Variants in GHR observed in about 807,000 individuals in gnomAD.
GHR encodes growth hormone receptor, also known as GH receptor.
GHR carries 35 observed loss-of-function variants against 67.1 expected under a neutral mutation model. That is an observed-to-expected ratio of 0.52 (90% CI 0.40 to 0.69). GHR has a LOEUF of 0.69. Among genes scored for constraint, GHR ranks in the 30% least tolerant of loss-of-function variants. The pLI, the probability that GHR is intolerant of heterozygous loss-of-function variation, is 0.00. For missense variants in GHR, 792 were observed against 764.6 expected (o/e 1.04, Z -0.42); for synonymous variants, 272 against 269.1 (o/e 1.01, Z -0.10).
intron 5 of GHR, among the ~76,000 whole-genome samples, chr5:42,698,642 G>A (rs1757788788): frequency 6.6e-6 from 1 of 152,130 alleles, no homozygotes; most frequent in Non-Finnish European, 1.5e-5. Flanking sequence ...GCACACAAGA[G>A]CTTCCCTCTT....
chr5:42,437,529 A>ATATTTATT (rs375521431), intron 1 of GHR, among the ~76,000 whole-genome samples: 2,186 of 148,004 alleles, frequency 0.015, 51 homozygotes, highest in African/African-American at 0.049. Flanking sequence ...TATTATTTTT[A>ATATTTATT]TATTTATTTA....
chr5:42,484,152 A>G (rs746145420), intron 1 of GHR, among the ~76,000 whole-genome samples: 24 of 152,192 alleles, frequency 1.6e-4, no homozygotes, highest in Non-Finnish European at 3.4e-4. Flanking sequence ...TAGAGTTTTC[A>G]TACTGTGGAC....
chr5:42,588,564 TTTGCAGTAGAATTTTGA>T, intron 2 of GHR, among the ~76,000 whole-genome samples: 1 of 133,100 alleles, frequency 7.5e-6, no homozygotes, highest in Non-Finnish European at 1.7e-5. Context: ...GACCTATAGT[TTTGCAGTAGAATTTTGA>T]ATTCAAACTC....
intron 6 of GHR, among the ~76,000 whole-genome samples, chr5:42,705,226 C>A (rs771225031): frequency 6.6e-6 from 1 of 151,448 alleles, no homozygotes; most frequent in Non-Finnish European, 1.5e-5. Context: ...TTAGTTTATT[C>A]TTTTTCTGGT....
At chr5:42,710,909 T>C (rs1300768975) in intron 6 of GHR, among the ~76,000 whole-genome samples, 1 of 152,198 alleles carries the variant, frequency 6.6e-6, no homozygotes, top group African/African-American at 2.4e-5. Flanking sequence ...GTAATTCTAA[T>C]ATACTTTAAT....
intron 1 of GHR, among the ~76,000 whole-genome samples, chr5:42,502,942 T>C (rs1371184520): frequency 3.3e-5 from 5 of 152,008 alleles, no homozygotes; most frequent in Non-Finnish European, 7.4e-5. Flanking sequence ...AGGAAAATTA[T>C]CAGGTTCAGT....
chr5:42,680,850 A>AT lies in GHR; in HGVS notation c.137-8038dup, dbSNP rs757597658. On this transcript the variant is annotated intron_variant, in intron 3 of 9. Transcript: ENST00000230882. ...GAATGCTTAATGTCTTTCTATTATT[A>AT]TTATTTTTTTTTATTATACTTTGTT... 1.1e-3 allele frequency among the ~76,000 whole-genome samples: 52 copies of AT among 48,862 alleles called. No individual in the cohort carries two copies. In the East Asian group the frequency reaches 0.024, roughly 22 times the overall value. The allele number at this position is 48,862 out of a possible 152,430, so 32.1% of individuals were successfully genotyped here. A position where few individuals can be genotyped will look rare whatever the true frequency, so the allele number is the denominator to read the frequency against.
intron 1 of GHR, among the ~76,000 whole-genome samples, chr5:42,454,036 G>T (rs934800479): frequency 6.6e-6 from 1 of 152,200 alleles, no homozygotes; most frequent in African/African-American, 2.4e-5. Flanking sequence ...TGGGCTTCCT[G>T]AGAGCCAGAT....
intron 1 of GHR, among the ~76,000 whole-genome samples, chr5:42,433,812 G>A (rs570886949): frequency 1.1e-3 from 159 of 142,340 alleles, no homozygotes; most frequent in South Asian, 3.6e-3. Context: ...CTGAGGACCA[G>A]GAGGCGTATC....
chr5:42,554,885 G>A (rs370116668), intron 1 of GHR, among the ~76,000 whole-genome samples: 46 of 152,134 alleles, frequency 3.0e-4, no homozygotes, highest in African/African-American at 1.1e-3. Context: ...AGTTGCTAGA[G>A]AATTTACAAC....
chr5:42,711,588 C>CG (rs1561249413), intron 7 of GHR, among the ~76,000 whole-genome samples: 1 of 151,880 alleles, frequency 6.6e-6, no homozygotes, highest in Non-Finnish European at 1.5e-5. Flanking sequence ...AGGAGAAGTC[C>CG]GGGGGGCAGG....
chr5:42,707,331 C>A (rs1442387059), intron 6 of GHR, among the ~76,000 whole-genome samples: 3 of 151,792 alleles, frequency 2.0e-5, no homozygotes, highest in East Asian at 3.9e-4. Flanking sequence ...TATCTTTTAA[C>A]CTTCATTCTA....
At chr5:42,560,578 C>T (rs1579939783) in intron 1 of GHR, among the ~76,000 whole-genome samples, 1 of 152,086 alleles carries the variant, frequency 6.6e-6, no homozygotes, top group East Asian at 1.9e-4. Flanking sequence ...TCACATGATA[C>T]TCCTCATCTC....
At chr5:42,620,377 T>A (rs1430428406) in intron 2 of GHR, among the ~76,000 whole-genome samples, 2 of 152,190 alleles carry the variant, frequency 1.3e-5, no homozygotes. Context: ...ACTATGCTAA[T>A]GCTGTGATGG....
At chr5:42,684,707 T>C (rs1033882073) in intron 3 of GHR, among the ~76,000 whole-genome samples, 2 of 152,158 alleles carry the variant, frequency 1.3e-5, no homozygotes, top group African/African-American at 4.8e-5. Flanking sequence ...ATCCATGCCC[T>C]AAAACTCTTG....
intron 3 of GHR, among the ~76,000 whole-genome samples, chr5:42,681,850 G>A (rs1756895079): frequency 1.3e-5 from 2 of 150,772 alleles, no homozygotes; most frequent in Non-Finnish European, 3.0e-5. Flanking sequence ...GCAGGAGAAT[G>A]GCATGAACCC....
chr5:42,470,858 G>T lies in GHR; in HGVS notation c.-12+46903G>T, dbSNP rs528545296. ...ACTCAGGAGAGCTGCTTCTGTGACT[G>T]CATTGCCTTCCAACCTGCTTTTCCA... On this transcript the variant is annotated intron_variant, in intron 1 of 9. Coordinates refer to ENST00000230882, the MANE Select transcript of GHR (RefSeq NM_000163.5). Among the ~76,000 whole-genome samples, 6 of 152,236 alleles carry T rather than the reference G, an allele frequency of 3.9e-5. No homozygotes were observed. In the South Asian group the frequency reaches 1.0e-3, roughly 26 times the overall value.
At chr5:42,478,893 T>C (rs1010512593) in intron 1 of GHR, among the ~76,000 whole-genome samples, 21 of 152,192 alleles carry the variant, frequency 1.4e-4, no homozygotes, top group Non-Finnish European at 2.5e-4. Flanking sequence ...TCCTGCCTCA[T>C]TGCCCTGGCC....
At chr5:42,554,770 C>T (rs1245199246) in intron 1 of GHR, among the ~76,000 whole-genome samples, 1 of 152,030 alleles carries the variant, frequency 6.6e-6, no homozygotes, top group Non-Finnish European at 1.5e-5. Context: ...CAAAATATCT[C>T]ATTAATACTT....
Sources: allele counts gnomAD v4.1 joint callset (sites outside exome capture counted in the v4.1 genomes callset), GRCh38; gene constraint gnomAD v4.1.1; transcripts MANE v1.5; gene names NCBI Gene and HGNC (gene_info 2026-07-23, HGNC 2026-07-21).